LRFN5: variants seen among roughly 807,000 people sequenced by gnomAD.
LRFN5 encodes leucine-rich repeat and fibronectin type-III domain-containing protein 5.
A neutral mutation model predicts 45.6 loss-of-function variants in LRFN5; 24 were observed. The observed-to-expected ratio is 0.53, with a 90% CI of 0.38 to 0.74. The LOEUF is 0.74. Ranked by LOEUF, LRFN5 falls within the 30% of genes least tolerant of loss-of-function variation. LRFN5 has a pLI of 0.00. For synonymous variants in LRFN5, 340 were observed against 313.8 expected, an observed-to-expected ratio of 1.08 and a Z score of -0.88; for missense variants, 776 against 861.5, an observed-to-expected ratio of 0.90 and a Z score of 1.24.
intron 2 of LRFN5, among the ~76,000 whole-genome samples, chr14:41,834,013 C>T (rs910643318): frequency 6.6e-6 from 1 of 152,140 alleles, no homozygotes; most frequent in African/African-American, 2.4e-5. Flanking sequence ...TATTTTAGTG[C>T]AGTGGTGTCC....
chr14:41,623,472 A>G (rs563043419), intron 1 of LRFN5, among the ~76,000 whole-genome samples: 2 of 152,232 alleles, frequency 1.3e-5, no homozygotes, highest in South Asian at 4.1e-4. Flanking sequence ...GGGGATTTAA[A>G]AAAAATTCTC....
At chr14:41,892,767 G>A in intron 4 of LRFN5, 1 of 985,302 alleles carries the variant, frequency 1.0e-6, no homozygotes, top group Non-Finnish European at 1.2e-6. Flanking sequence ...TCAGTGGAAA[G>A]AAGAAAGTGC....
chr14:41,650,939 G>A (rs1382934169), intron 1 of LRFN5, among the ~76,000 whole-genome samples: 1 of 150,504 alleles, frequency 6.6e-6, no homozygotes, highest in Non-Finnish European at 1.5e-5. Flanking sequence ...GAGAGGGAGA[G>A]GAATATGGCG....
intron 1 of LRFN5, among the ~76,000 whole-genome samples, chr14:41,702,963 G>A (rs1882899183): frequency 6.6e-6 from 1 of 151,934 alleles, no homozygotes; most frequent in South Asian, 2.1e-4. Flanking sequence ...TAAAACCATG[G>A]CACCCCTTTA....
chr14:41,810,572 T>A (rs2138990302), intron 2 of LRFN5, among the ~76,000 whole-genome samples: 2 of 152,190 alleles, frequency 1.3e-5, no homozygotes, highest in East Asian at 3.9e-4. Flanking sequence ...TTACGCAATA[T>A]TTACATGGCC....
chr14:41,753,742 A>G (rs141611574), intron 1 of LRFN5, among the ~76,000 whole-genome samples: 3,873 of 152,130 alleles, frequency 0.025, 160 homozygotes, highest in African/African-American at 0.088. Flanking sequence ...TCTTTTCCTA[A>G]TTGAATACCC....
intron 1 of LRFN5, among the ~76,000 whole-genome samples, chr14:41,696,232 G>A (rs1209352746): frequency 6.6e-6 from 1 of 151,886 alleles, no homozygotes; most frequent in Non-Finnish European, 1.5e-5. Context: ...TGCTTCTTAT[G>A]GATGAGCAAA....
intron 2 of LRFN5, among the ~76,000 whole-genome samples, chr14:41,876,801 GT>G (rs1566498485): frequency 6.6e-6 from 1 of 151,952 alleles, no homozygotes; most frequent in African/African-American, 2.4e-5. Context: ...TATGCCTTGT[GT>G]TTTTACCCGC....
intron 1 of LRFN5, among the ~76,000 whole-genome samples, chr14:41,743,722 G>A (rs944209385): frequency 2.0e-5 from 3 of 152,206 alleles, no homozygotes; most frequent in Admixed American, 1.3e-4. Flanking sequence ...TAAGGTGGTG[G>A]ATATGTTAAT....
chr14:41,899,691 T>G (rs1891047680), intron 5 of LRFN5, among the ~76,000 whole-genome samples: 1 of 152,140 alleles, frequency 6.6e-6, no homozygotes, highest in Non-Finnish European at 1.5e-5. Flanking sequence ...AAAAAGGCCA[T>G]TGATTTATTT....
chr14:41,848,936 A>G (rs527971944), intron 2 of LRFN5, among the ~76,000 whole-genome samples: 5 of 152,054 alleles, frequency 3.3e-5, no homozygotes, highest in African/African-American at 9.6e-5. Flanking sequence ...AGATTTTTTC[A>G]GAGTTAAAGA....
intron 1 of LRFN5, among the ~76,000 whole-genome samples, chr14:41,697,435 T>C (rs1882659279): frequency 6.6e-6 from 1 of 151,874 alleles, no homozygotes; most frequent in African/African-American, 2.4e-5. Flanking sequence ...ATAATTACTG[T>C]TAGACATGTG....
chr14:41,617,612 A>C (rs1442158492), intron 1 of LRFN5, among the ~76,000 whole-genome samples: 1 of 152,148 alleles, frequency 6.6e-6, no homozygotes, highest in African/African-American at 2.4e-5. Context: ...GTATGTTTAT[A>C]AAAGCACTTT....
At position 41,802,308 on chromosome 14, in the gene LRFN5, T is replaced by C. The variant is rs567586935; in HGVS notation, c.-21+35279T>C. Among the ~76,000 whole-genome samples the C allele has an allele frequency of 3.9e-5, 6 of 152,102 alleles. No homozygotes were observed. The East Asian group carries it at 5.8e-4, about 15-fold the overall frequency. ...GTTGTCAGGGATGGGAATTGGGAGA[T>C]GGAAAATTACTAAGAGAAAACATCA... On this transcript the variant is annotated intron_variant, in intron 2 of 5. Coordinates refer to ENST00000298119, the MANE Select transcript of LRFN5 (RefSeq NM_152447.5).
At chr14:41,722,071 TA>T (rs1408845634) in intron 1 of LRFN5, among the ~76,000 whole-genome samples, 5 of 152,116 alleles carry the variant, frequency 3.3e-5, no homozygotes, top group Admixed American at 6.5e-5. Flanking sequence ...TTTTTTAAAT[TA>T]TTTTTTCTTA....
intron 1 of LRFN5, among the ~76,000 whole-genome samples, chr14:41,632,877 A>T (rs75756884): frequency 0.022 from 3,279 of 152,290 alleles, 105 homozygotes; most frequent in African/African-American, 0.071. Flanking sequence ...TATTTTGGTG[A>T]ATAAGGATAT....
intron 1 of LRFN5, among the ~76,000 whole-genome samples, chr14:41,758,103 T>G (rs1188806700): frequency 1.3e-5 from 2 of 152,188 alleles, no homozygotes; most frequent in Admixed American, 1.3e-4. Context: ...TTATCATATC[T>G]CTTTCTCAAG....
rs542683382 is a variant in LRFN5 at position 41,667,961 on chromosome 14, T to A, written c.-197+59399T>A. On this transcript the variant is annotated intron_variant, in intron 1 of 5. Transcript: ENST00000298119. The stretch of plus-strand genomic sequence containing the variant: ...CTGCATACCAAACCTGGTGATGAAG[T>A]TACTATTCTTCATTTTGTTATTGCA... Among the ~76,000 whole-genome samples, 5 of 152,266 alleles carry A rather than the reference T, an allele frequency of 3.3e-5. 1 individual carries two copies. Among genetic ancestry groups the A allele is most frequent in the African/African-American group, 1.2e-4 (5 of 41,556 alleles).
At chr14:41,657,712 A>G (rs1331758923) in intron 1 of LRFN5, among the ~76,000 whole-genome samples, 1 of 151,984 alleles carries the variant, frequency 6.6e-6, no homozygotes, top group East Asian at 1.9e-4. Context: ...GTACATACCC[A>G]TAGTCATTTT....
Sources: allele counts gnomAD v4.1 joint callset (sites outside exome capture counted in the v4.1 genomes callset), GRCh38; gene constraint gnomAD v4.1.1; transcripts MANE v1.5; gene names NCBI Gene and HGNC (gene_info 2026-07-23, HGNC 2026-07-21).